The following FAT3 variants were observed in gnomAD, a reference collection of about 807,000 sequenced individuals.
FAT3 encodes the protein protocadherin Fat 3.
A neutral mutation model predicts 310.2 loss-of-function variants in FAT3; 95 were observed. That is an observed-to-expected ratio of 0.31 (90% CI 0.26 to 0.36). The LOEUF (loss-of-function observed/expected upper bound fraction) is 0.36, where lower values mean the gene tolerates loss of function less well. Ranked by LOEUF, FAT3 falls within the 10% of genes least tolerant of loss-of-function variation. The probability of loss-of-function intolerance (pLI) is 1.00; values close to 1 mark genes in which losing one functional copy is unlikely to be tolerated. For missense variants in FAT3, 5,408 were observed against 5,715.6 expected (o/e 0.95, Z 1.74); for synonymous variants, 2,314 against 2,192.9 (o/e 1.06, Z -1.54).
At chr11:92,232,723 C>T (rs1454198613) in intron 1 of FAT3, among the ~76,000 whole-genome samples, 1 of 138,840 alleles carries the variant, frequency 7.2e-6, no homozygotes, top group Non-Finnish European at 1.5e-5. Flanking sequence ...GGAGTGGACG[C>T]ATGGTGTCTT....
chr11:92,801,713 G>T lies in FAT3; in HGVS notation c.8700G>T (p.Glu2900Asp). ...TFSVVASDLG[E>D]AFSLSSTALV... is the part of the protein sequence containing the mutation. Reference sequence around the variant, plus strand: ...CTGTGGTGGCCTCTGACCTTGGAGAGGCATTCTCTCTTTCCTCCACGGCCT... The same window carrying T: ...CTGTGGTGGCCTCTGACCTTGGAGATGCATTCTCTCTTTCCTCCACGGCCT... Residue 2900 changes from glutamate (E) to aspartate (D), a missense_variant, in exon 10 of 28, where the codon GAG becomes GAT. Coordinates refer to ENST00000525166, the MANE Select transcript of FAT3 (RefSeq NM_001367949.2). The T allele has an allele frequency of 6.2e-7, 1 of 1,613,926 alleles. No individual in the cohort carries two copies. The highest frequency in any genetic ancestry group is 8.5e-7 in the Non-Finnish European group (1 of 1,179,860).
chr11:92,660,072 A>G (rs934866621), intron 3 of FAT3, among the ~76,000 whole-genome samples: 1 of 152,208 alleles, frequency 6.6e-6, no homozygotes, highest in African/African-American at 2.4e-5. Flanking sequence ...TAGTGCAGCA[A>G]TGATACACAC....
chr11:92,653,593 C>T (rs770579780), intron 3 of FAT3, among the ~76,000 whole-genome samples: 2 of 152,168 alleles, frequency 1.3e-5, no homozygotes, highest in Non-Finnish European at 2.9e-5. Context: ...ACTCCCTTTA[C>T]TAAAGCAATT....
chr11:92,529,383 A>G (rs1004852318), intron 3 of FAT3, among the ~76,000 whole-genome samples: 3 of 152,200 alleles, frequency 2.0e-5, no homozygotes, highest in Non-Finnish European at 4.4e-5. Context: ...AGCTTACCAG[A>G]TAGCTTGAGA....
intron 2 of FAT3, among the ~76,000 whole-genome samples, chr11:92,455,124 ATG>A (rs1161969665): frequency 6.6e-6 from 1 of 152,184 alleles, no homozygotes; most frequent in African/African-American, 2.4e-5. Context: ...CTTTGCAAGA[ATG>A]TGTCCTCTGG....
intron 9 of FAT3, among the ~76,000 whole-genome samples, chr11:92,794,003 T>C (rs1219090269): frequency 1.3e-5 from 2 of 152,160 alleles, no homozygotes; most frequent in South Asian, 2.1e-4. Flanking sequence ...ACCCACATTT[T>C]ACATGGGTCT....
intron 2 of FAT3, among the ~76,000 whole-genome samples, chr11:92,432,029 G>A (rs1950794558): frequency 6.6e-6 from 1 of 152,076 alleles, no homozygotes; most frequent in South Asian, 2.1e-4. Context: ...TTCCAATTCT[G>A]TGAAGAAAGT....
chr11:92,862,670 A>C (rs1420376471), intron 21 of FAT3, among the ~76,000 whole-genome samples: 1 of 152,226 alleles, frequency 6.6e-6, no homozygotes, highest in East Asian at 1.9e-4. Flanking sequence ...GTAACAAGGA[A>C]GCTCCCTACA....
chr11:92,680,752 T>A (rs985743844), intron 3 of FAT3, among the ~76,000 whole-genome samples: 2 of 152,196 alleles, frequency 1.3e-5, no homozygotes, highest in African/African-American at 4.8e-5. Context: ...CTTCTTCCCA[T>A]GAGGTAGATA....
intron 3 of FAT3, among the ~76,000 whole-genome samples, chr11:92,585,829 T>A (rs1219216722): frequency 3.3e-5 from 1 of 30,370 alleles, no homozygotes; most frequent in Non-Finnish European, 5.8e-5. Flanking sequence ...TGCTTTCCTG[T>A]TTTTTTTTTC....
rs1565689198 is a variant in FAT3 at position 92,894,567 on chromosome 11, A to T, written c.*3454A>T. On this transcript the variant is annotated 3_prime_UTR_variant, in exon 28 of 28. Coordinates refer to ENST00000525166, the MANE Select transcript of FAT3 (RefSeq NM_001367949.2). ...TTGCACACATTCTGGTTAGGTTGAG[A>T]ATAGCTAGACTCTTGGTGCTCGTCA... 1 of 152,196 alleles carries T rather than the reference A, an allele frequency of 6.6e-6. No individual in the cohort carries two copies. Among genetic ancestry groups the T allele is most frequent in the Non-Finnish European group, 1.5e-5 (1 of 68,034 alleles). 9.4% of individuals were successfully genotyped at this position (152,196 alleles called of 1,614,324 possible).
intron 2 of FAT3, among the ~76,000 whole-genome samples, chr11:92,446,345 G>T (rs1028156878): frequency 6.6e-6 from 1 of 152,310 alleles, no homozygotes; most frequent in East Asian, 1.9e-4. Flanking sequence ...GGGCAACTCA[G>T]TGATCCTGGA....
chr11:92,589,425 G>A (rs1285962556), intron 3 of FAT3, among the ~76,000 whole-genome samples: 3 of 152,182 alleles, frequency 2.0e-5, no homozygotes, highest in African/African-American at 7.2e-5. Context: ...CACATGACTA[G>A]CACTTAAAGC....
At chr11:92,626,333 G>A (rs577419087) in intron 3 of FAT3, among the ~76,000 whole-genome samples, 3 of 152,274 alleles carry the variant, frequency 2.0e-5, no homozygotes, top group African/African-American at 7.2e-5. Flanking sequence ...TTAATCAGGG[G>A]ATTTAGAGAT....
At chr11:92,552,637 C>T (rs1355357878) in intron 3 of FAT3, among the ~76,000 whole-genome samples, 1 of 152,146 alleles carries the variant, frequency 6.6e-6, no homozygotes, top group Non-Finnish European at 1.5e-5. Flanking sequence ...TCATGGTCTG[C>T]TATTTACAAG....
At chr11:92,649,871 GTTCATATATATA>G (rs1212784535) in intron 3 of FAT3, among the ~76,000 whole-genome samples, 20 of 114,094 alleles carry the variant, frequency 1.8e-4, no homozygotes, top group East Asian at 7.2e-4. Flanking sequence ...CACTTTGTAT[GTTCATATATATA>G]TATATATATA....
intron 3 of FAT3, among the ~76,000 whole-genome samples, chr11:92,632,745 G>A (rs769389595): frequency 2.0e-5 from 3 of 152,200 alleles, no homozygotes; most frequent in Non-Finnish European, 4.4e-5. Context: ...AGGCAGAGAG[G>A]CATTGATGGA....
At chr11:92,848,540 A>G (rs984301205) in intron 19 of FAT3, among the ~76,000 whole-genome samples, 1 of 152,258 alleles carries the variant, frequency 6.6e-6, no homozygotes, top group African/African-American at 2.4e-5. Flanking sequence ...CAAAAATCTA[A>G]TACATAAATA....
At chr11:92,361,351 T>G (rs191414234) in intron 2 of FAT3, among the ~76,000 whole-genome samples, 5 of 152,254 alleles carry the variant, frequency 3.3e-5, no homozygotes, top group African/African-American at 1.2e-4. Context: ...ATGTCCTAAA[T>G]GTTTGTGCAC....
Sources: gnomAD v4.1 joint callset for allele counts (sites outside exome capture counted in the v4.1 genomes callset) on GRCh38, gnomAD v4.1.1 for gene constraint, MANE v1.5 for transcripts, NCBI Gene and HGNC (gene_info 2026-07-23, HGNC 2026-07-21) for gene names.